Variants in DIAPH3 observed in about 807,000 individuals in gnomAD.
The protein encoded by DIAPH3 is protein diaphanous homolog 3.
DIAPH3 carries 117 observed loss-of-function variants against 144.3 expected under a neutral mutation model. The observed-to-expected ratio is 0.81, with a 90% CI of 0.70 to 0.95. DIAPH3 has a LOEUF of 0.95. Ranked by LOEUF, DIAPH3 falls within the 40% of genes least tolerant of loss-of-function variation. The probability of loss-of-function intolerance (pLI) is 0.00; values close to 1 mark genes in which losing one functional copy is unlikely to be tolerated. For synonymous variants in DIAPH3, 519 were observed against 488.9 expected, an observed-to-expected ratio of 1.06 and a Z score of -0.81; for missense variants, 1,421 against 1,412.7, an observed-to-expected ratio of 1.01 and a Z score of -0.09.
chr13:59,817,980 A>G (rs2040865981), intron 24 of DIAPH3, among the ~76,000 whole-genome samples: 1 of 151,942 alleles, frequency 6.6e-6, no homozygotes, highest in African/African-American at 2.4e-5. Context: ...CATAGTACCT[A>G]TGGCTTCCTG....
intron 2 of DIAPH3, among the ~76,000 whole-genome samples, chr13:60,118,801 G>A (rs2058761102): frequency 6.6e-6 from 1 of 152,130 alleles, no homozygotes; most frequent in Non-Finnish European, 1.5e-5. Flanking sequence ...AGTGTTAACA[G>A]GAAATAAAAG....
chr13:59,961,852 A>T (rs2049780488), intron 17 of DIAPH3, among the ~76,000 whole-genome samples: 1 of 152,214 alleles, frequency 6.6e-6, no homozygotes, highest in African/African-American at 2.4e-5. Flanking sequence ...AAGTAACATA[A>T]GCAAACATTT....
At chr13:60,144,331 C>A (rs902167690) in intron 1 of DIAPH3, among the ~76,000 whole-genome samples, 2 of 152,168 alleles carry the variant, frequency 1.3e-5, no homozygotes, top group Non-Finnish European at 2.9e-5. Flanking sequence ...AACAAAACTA[C>A]TAAAACTAGG....
intron 27 of DIAPH3, among the ~76,000 whole-genome samples, chr13:59,737,230 A>T (rs775290412): frequency 9.8e-5 from 15 of 152,360 alleles, no homozygotes; most frequent in Middle Eastern, 3.4e-3. Flanking sequence ...AAATGGGAGA[A>T]AACATTTGCA....
chr13:59,912,982 T>A (rs2140243063), intron 19 of DIAPH3, among the ~76,000 whole-genome samples: 1 of 152,272 alleles, frequency 6.6e-6, no homozygotes. Context: ...TCACTATTAA[T>A]ACTATCAAAT....
chr13:60,081,067 G>C (rs1946987850), intron 4 of DIAPH3, among the ~76,000 whole-genome samples: 1 of 151,890 alleles, frequency 6.6e-6, no homozygotes, highest in Non-Finnish European at 1.5e-5. Flanking sequence ...CACAGTGCTT[G>C]AAGTGATTTC....
At chr13:59,681,274 C>A (rs2032932025) in intron 27 of DIAPH3, among the ~76,000 whole-genome samples, 2 of 152,150 alleles carry the variant, frequency 1.3e-5, no homozygotes, top group African/African-American at 4.8e-5. Flanking sequence ...ACTTTAAGAT[C>A]AGCCTGGGCA....
At chr13:59,671,285 C>G (rs2032360268) in intron 27 of DIAPH3, among the ~76,000 whole-genome samples, 1 of 152,158 alleles carries the variant, frequency 6.6e-6, no homozygotes, top group Non-Finnish European at 1.5e-5. Context: ...TGAAGTTAGA[C>G]AGTTACAAAT....
intron 21 of DIAPH3, among the ~76,000 whole-genome samples, chr13:59,870,681 T>A (rs1361770491): frequency 1.2e-4 from 18 of 150,344 alleles, no homozygotes; most frequent in Admixed American, 1.1e-3. Context: ...TTTTTTTTTT[T>A]AAATTTGAGA....
chr13:60,064,590 A>T (rs147209360), intron 4 of DIAPH3, among the ~76,000 whole-genome samples: 260 of 152,334 alleles, frequency 1.7e-3, no homozygotes, highest in African/African-American at 5.8e-3. Context: ...GCTCTGGAAT[A>T]GGCTCTGGAT....
chr13:59,670,645 G>T lies in DIAPH3; in HGVS notation c.3320-3799C>A, dbSNP rs9538495. On this transcript the variant is annotated intron_variant, in intron 27 of 27. Transcript: ENST00000400324. ...TCGCCCAGGCTGGAGTGCAGTGGCG[G>T]GATCTCGGCTCACTGCAAGCTCCAC... 2.9e-3 allele frequency among the ~76,000 whole-genome samples: 437 copies of T among 149,850 alleles called. 2 individuals are homozygous for T. The highest frequency in any genetic ancestry group is 0.01 in the African/African-American group (414 of 40,624).
Position 59,970,775 on chromosome 13 carries a change from T to C in DIAPH3, c.1959+77A>G. The C allele has an allele frequency of 3.1e-6, 4 of 1,284,852 alleles. No homozygotes were observed. The East Asian group carries it at 7.7e-5, about 25-fold the overall frequency. The allele number at this position is 1,284,852 out of a possible 1,614,324, so 79.6% of individuals were successfully genotyped here. ...TATGTAGGCATAAATTAAATCTCATTAGAAATTATGTATATATAAATCCAA... is the reference window on the plus strand; with the variant it reads ...TATGTAGGCATAAATTAAATCTCATCAGAAATTATGTATATATAAATCCAA... On this transcript the variant is annotated intron_variant, in intron 16 of 27. Coordinates refer to ENST00000400324, the MANE Select transcript of DIAPH3 (RefSeq NM_001042517.2).
At chr13:59,920,781 A>G (rs1360198701) in intron 18 of DIAPH3, among the ~76,000 whole-genome samples, 1 of 151,836 alleles carries the variant, frequency 6.6e-6, no homozygotes, top group Non-Finnish European at 1.5e-5. Context: ...ACAAAATCAG[A>G]ATAAACATCC....
chr13:59,747,566 G>A (rs1406164119), intron 27 of DIAPH3, among the ~76,000 whole-genome samples: 1 of 152,162 alleles, frequency 6.6e-6, no homozygotes, highest in Non-Finnish European at 1.5e-5. Context: ...CCACTGGAGT[G>A]TATTTTCAAG....
At position 60,084,023 on chromosome 13, in the gene DIAPH3, T is replaced by C. The variant is rs976240953; in HGVS notation, c.495+9605A>G. 1.4e-3 allele frequency among the ~76,000 whole-genome samples: 213 copies of C among 150,908 alleles called. 1 individual carries two copies. The highest frequency in any genetic ancestry group is 2.6e-3 in the African/African-American group (108 of 40,948). The stretch of plus-strand genomic sequence containing the variant: ...ATAGATAGACAGATAGATAGATAGA[T>C]AGATAGATAGATAGATAGATAGATA... On this transcript the variant is annotated intron_variant, in intron 4 of 27. Transcript: ENST00000400324.
At chr13:59,756,409 AAAGGAAGGAAGGAAGG>A (rs762777029) in intron 27 of DIAPH3, among the ~76,000 whole-genome samples, 2 of 137,636 alleles carry the variant, frequency 1.5e-5, no homozygotes, top group Admixed American at 1.5e-4. Flanking sequence ...AATTTAGTAA[AAAGGAAGGAAGGAAGG>A]AAGGAAGGAA....
Position 59,902,038 on chromosome 13 carries a change from T to G in DIAPH3, c.2367+9697A>C, listed in dbSNP as rs2046464069. On this transcript the variant is annotated intron_variant, in intron 20 of 27. Coordinates refer to ENST00000400324, the MANE Select transcript of DIAPH3 (RefSeq NM_001042517.2). ...ATCAGCAGTAAAAGCAATGTTAAGT[T>G]TCACCATTAAAAAGCCTCTAATTTT... Among the ~76,000 whole-genome samples the G allele has an allele frequency of 2.0e-5, 3 of 152,314 alleles. No individual in the cohort carries two copies. The South Asian group carries it at 6.2e-4, about 32-fold the overall frequency.
intron 22 of DIAPH3, among the ~76,000 whole-genome samples, chr13:59,845,663 A>G (rs12428424): frequency 0.1 from 15,859 of 152,252 alleles, 1,216 homozygotes; most frequent in Admixed American, 0.24. Context: ...ATGTGTGTCT[A>G]TCTGCCTTGT....
intron 27 of DIAPH3, among the ~76,000 whole-genome samples, chr13:59,714,339 G>C (rs570740080): frequency 1.0e-3 from 137 of 131,942 alleles, no homozygotes; most frequent in African/African-American, 3.7e-3. Flanking sequence ...CAGCCTGGGC[G>C]ACAGAGCGAG....
Sources: allele counts gnomAD v4.1 joint callset (sites outside exome capture counted in the v4.1 genomes callset), GRCh38; gene constraint gnomAD v4.1.1; transcripts MANE v1.5; gene names NCBI Gene and HGNC (gene_info 2026-07-23, HGNC 2026-07-21).